KALRN: variants seen among roughly 807,000 people sequenced by gnomAD.
The protein encoded by KALRN is kalirin RhoGEF kinase.
In KALRN, 70 loss-of-function variants were observed where a neutral mutation model predicts 353.7. The observed-to-expected ratio is 0.20, with a 90% CI of 0.16 to 0.24. The LOEUF (loss-of-function observed/expected upper bound fraction) is 0.24. KALRN is among the 10% of genes least tolerant of loss of function. The pLI, the probability that KALRN is intolerant of heterozygous loss-of-function variation, is 1.00. For synonymous variants in KALRN, 1,391 were observed against 1,434.8 expected, an observed-to-expected ratio of 0.97 and a Z score of 0.69; for missense variants, 2,791 against 3,756.7, an observed-to-expected ratio of 0.74 and a Z score of 6.72.
chr3:124,402,433 T>C (rs2090994419), intron 13 of KALRN, among the ~76,000 whole-genome samples: 1 of 152,244 alleles, frequency 6.6e-6, no homozygotes, highest in African/African-American at 2.4e-5. Flanking sequence ...TGAAAGACAT[T>C]TTATATAAAC....
At chr3:124,541,060 T>G (rs2068974474) in intron 33 of KALRN, among the ~76,000 whole-genome samples, 1 of 152,182 alleles carries the variant, frequency 6.6e-6, no homozygotes, top group Non-Finnish European at 1.5e-5. Context: ...CTTGGTGGCA[T>G]AAAATATAAG....
chr3:124,580,044 A>C (rs539774971), intron 34 of KALRN, among the ~76,000 whole-genome samples: 6 of 152,340 alleles, frequency 3.9e-5, no homozygotes, highest in Non-Finnish European at 8.8e-5. Context: ...CCAAATGGGC[A>C]AGGACAATGT....
At chr3:124,304,199 A>G (rs1409765528) in intron 6 of KALRN, among the ~76,000 whole-genome samples, 1 of 151,996 alleles carries the variant, frequency 6.6e-6, no homozygotes, top group African/African-American at 2.4e-5. Context: ...TGACACTGCC[A>G]TAGCTGCAAA....
chr3:124,112,315 A>AG (rs1241129793), intron 1 of KALRN, among the ~76,000 whole-genome samples: 1 of 151,406 alleles, frequency 6.6e-6, no homozygotes, highest in African/African-American at 2.4e-5. Context: ...AAAAAAAAAA[A>AG]AAAAAAGAAT....
At chr3:124,443,315 A>T (rs1375767015) in intron 19 of KALRN, among the ~76,000 whole-genome samples, 1 of 152,264 alleles carries the variant, frequency 6.6e-6, no homozygotes, top group Non-Finnish European at 1.5e-5. Context: ...GTCCGAGGCT[A>T]GGAATGGAAC....
Position 124,621,698 on chromosome 3 carries a change from C to T in KALRN, c.5183-10722C>T, listed in dbSNP as rs1015759592. ...TCTTCATTCTCCAGCACTAAGTGGC[C>T]CAGGCACCAAGATGGCTAACCAGAT... is the stretch of plus-strand genomic sequence containing the variant. On this transcript the variant is annotated intron_variant, in intron 34 of 59. Coordinates refer to ENST00000682506, the MANE Select transcript of KALRN (RefSeq NM_001388419.1). Among the ~76,000 whole-genome samples, 18 of 152,216 alleles carry T rather than the reference C, an allele frequency of 1.2e-4. 1 individual carries two copies. Among genetic ancestry groups the T allele is most frequent in the African/African-American group, 4.3e-4 (18 of 41,446 alleles).
chr3:124,425,306 G>T (rs1356771802), intron 15 of KALRN, among the ~76,000 whole-genome samples: 1 of 152,070 alleles, frequency 6.6e-6, no homozygotes. Context: ...ATGAGGTGAT[G>T]GTTATCCCAG....
intron 1 of KALRN, among the ~76,000 whole-genome samples, chr3:124,043,921 G>A (rs1482674470): frequency 2.0e-5 from 3 of 152,096 alleles, no homozygotes; most frequent in Non-Finnish European, 2.9e-5. Context: ...GGGAAACTCA[G>A]GCAAGATGGT....
intron 1 of KALRN, among the ~76,000 whole-genome samples, chr3:124,159,055 C>T (rs796998120): frequency 5.9e-5 from 9 of 152,314 alleles, no homozygotes; most frequent in African/African-American, 2.2e-4. Flanking sequence ...CTGCCCTCTG[C>T]AGTGAAACCC....
At chr3:124,520,365 A>G (rs755539740) in intron 33 of KALRN, among the ~76,000 whole-genome samples, 1 of 152,188 alleles carries the variant, frequency 6.6e-6, no homozygotes, top group Non-Finnish European at 1.5e-5. Context: ...TCAAAATCTC[A>G]TTAGGCAAAC....
At chr3:124,578,741 C>A (rs1359853449) in intron 34 of KALRN, among the ~76,000 whole-genome samples, 2 of 150,818 alleles carry the variant, frequency 1.3e-5, no homozygotes, top group Non-Finnish European at 2.9e-5. Context: ...GCACTCCAGC[C>A]TGGGTGACAG....
intron 1 of KALRN, among the ~76,000 whole-genome samples, chr3:124,192,042 A>G (rs1341486658): frequency 1.3e-5 from 2 of 152,238 alleles, no homozygotes; most frequent in Non-Finnish European, 2.9e-5. Flanking sequence ...GACTACTGTT[A>G]TCAGGAAAGT....
At chr3:124,253,882 C>G (rs2071524704) in intron 3 of KALRN, among the ~76,000 whole-genome samples, 1 of 152,240 alleles carries the variant, frequency 6.6e-6, no homozygotes, top group Non-Finnish European at 1.5e-5. Context: ...ATCCCCCTGA[C>G]TGGTCTGCTG....
At chr3:124,186,258 G>A (rs1026835482) in intron 1 of KALRN, among the ~76,000 whole-genome samples, 1 of 152,148 alleles carries the variant, frequency 6.6e-6, no homozygotes, top group Non-Finnish European at 1.5e-5. Context: ...GATATTGTGT[G>A]TCAGGCGTCT....
chr3:124,483,525 C>G lies in KALRN; in HGVS notation c.4284+625C>G, dbSNP rs979379232. Among the ~76,000 whole-genome samples, 4 of 152,032 alleles carry G rather than the reference C, an allele frequency of 2.6e-5. No homozygotes were observed. In the South Asian group the frequency reaches 8.3e-4, roughly 32 times the overall value. On this transcript the variant is annotated intron_variant, in intron 28 of 59. Coordinates refer to ENST00000682506, the MANE Select transcript of KALRN (RefSeq NM_001388419.1). The stretch of plus-strand genomic sequence containing the variant: ...CGAGATCGTGTCACTGAACTGCAGC[C>G]TGGGTGACAGAGTGAGACACAGTCT...
chr3:124,194,872 G>A (rs1370755736), intron 1 of KALRN, among the ~76,000 whole-genome samples: 1 of 152,172 alleles, frequency 6.6e-6, no homozygotes, highest in Non-Finnish European at 1.5e-5. Context: ...AGGGTTGCAT[G>A]CTGAGGAGAA....
rs919265442 is a variant in KALRN, at chr3:124,033,943, G to C, written c.73+130G>C. ...TGGGGGGCAGTGCCCCCTCGGCGTCGGGGCTGGAGTTGCCGAGATTCTGGT... is the reference window on the plus strand; with the variant it reads ...TGGGGGGCAGTGCCCCCTCGGCGTCCGGGCTGGAGTTGCCGAGATTCTGGT... On this transcript the variant is annotated intron_variant, in intron 1 of 59. Transcript: ENST00000682506. This position sits in a 1 kb window ranked among gnomAD's most constrained non-coding sequence, Gnocchi z 6.2. 1.3e-5 allele frequency among the ~76,000 whole-genome samples: 2 copies of C among 152,140 alleles called. No homozygotes were observed. The highest frequency in any genetic ancestry group is 2.4e-5 in the African/African-American group (1 of 41,444).
At chr3:124,132,523 G>A (rs939787419) in intron 1 of KALRN, among the ~76,000 whole-genome samples, 8 of 152,182 alleles carry the variant, frequency 5.3e-5, no homozygotes, top group African/African-American at 1.9e-4. Flanking sequence ...GAATGAATGT[G>A]CAAAGCCAGG....
intron 8 of KALRN, among the ~76,000 whole-genome samples, chr3:124,330,337 G>T (rs1200871100): frequency 6.6e-6 from 1 of 151,508 alleles, no homozygotes; most frequent in East Asian, 1.9e-4. Flanking sequence ...TTCTCCTCTT[G>T]GGGGAGGAAT....
Sources: gnomAD v4.1 joint callset for allele counts (sites outside exome capture counted in the v4.1 genomes callset) on GRCh38, gnomAD v4.1.1 for gene constraint, Gnocchi (gnomAD v3.1) non-coding constraint, MANE v1.5 for transcripts, NCBI Gene and HGNC (gene_info 2026-07-23, HGNC 2026-07-21) for gene names.